The following PALM2AKAP2 variants were observed in gnomAD, a reference collection of about 807,000 sequenced individuals.
PALM2AKAP2 encodes PALM2-AKAP2 fusion protein.
A neutral mutation model predicts 71.5 loss-of-function variants in PALM2AKAP2; 37 were observed. The ratio of observed to expected loss-of-function variants is 0.52; its 90% CI spans 0.40 to 0.68. The LOEUF (loss-of-function observed/expected upper bound fraction) is 0.68, where lower values mean the gene tolerates loss of function less well. Ranked by LOEUF, PALM2AKAP2 falls within the 30% of genes least tolerant of loss-of-function variation. PALM2AKAP2 has a pLI of 0.00. For missense variants in PALM2AKAP2, 1,224 were observed against 1,191.8 expected, an observed-to-expected ratio of 1.03 and a Z score of -0.40; for synonymous variants, 468 against 478.8, an observed-to-expected ratio of 0.98 and a Z score of 0.29.
intron 1 of PALM2AKAP2, among the ~76,000 whole-genome samples, chr9:110,057,439 C>T (rs376814952): frequency 1.1e-4 from 17 of 147,932 alleles, no homozygotes; most frequent in East Asian, 8.1e-4. Flanking sequence ...AGTGCAGTGG[C>T]GCCATCTCAG....
chr9:110,159,795 C>T (rs1040874440), intron 3 of PALM2AKAP2, among the ~76,000 whole-genome samples: 12 of 152,180 alleles, frequency 7.9e-5, no homozygotes, highest in Non-Finnish European at 1.5e-5. Flanking sequence ...AGCTCAGGGC[C>T]CTGCTCTCTC....
Position 109,691,174 on chromosome 9 carries a change from T to TACACACACACACACACACAC in PALM2AKAP2, c.5+50320_5+50339dup, listed in dbSNP as rs56966509. Among the ~76,000 whole-genome samples, 836 of 147,544 alleles carry TACACACACACACACACACAC rather than the reference T, an allele frequency of 5.7e-3. 6 individuals carry two copies. Among genetic ancestry groups the TACACACACACACACACACAC allele is most frequent in the Middle Eastern group, 0.038 (11 of 292 alleles). On this transcript the variant is annotated intron_variant, in intron 1 of 6. Transcript: ENST00000374531. ...ACCAATGTTGCATTACTTTGAATTT[T>TACACACACACACACACACAC]ACACACACACACACACACACACACA...
At chr9:109,802,870 G>A (rs1827471421) in intron 1 of PALM2AKAP2, among the ~76,000 whole-genome samples, 1 of 152,184 alleles carries the variant, frequency 6.6e-6, no homozygotes, top group Non-Finnish European at 1.5e-5. Context: ...CACATAGATT[G>A]TTCATGAAGG....
chr9:109,885,289 C>T (rs545666608), intron 3 of PALM2AKAP2, among the ~76,000 whole-genome samples: 2 of 151,640 alleles, frequency 1.3e-5, no homozygotes, highest in African/African-American at 2.4e-5. Flanking sequence ...GGGCAGCCCA[C>T]GAAGAAGGAA....
At chr9:110,152,596 A>G (rs774563447) in intron 2 of PALM2AKAP2, among the ~76,000 whole-genome samples, 48 of 152,228 alleles carry the variant, frequency 3.2e-4, no homozygotes, top group Admixed American at 2.6e-4. Flanking sequence ...GACTATTTGC[A>G]TCACATTCAT....
chr9:109,899,160 A>G (rs1370739548), intron 3 of PALM2AKAP2, among the ~76,000 whole-genome samples: 1 of 151,788 alleles, frequency 6.6e-6, no homozygotes, highest in East Asian at 1.9e-4. Context: ...CCCCCCAGAC[A>G]CCTATAACTC....
At chr9:109,691,913 T>TATATATATACAC (rs1316216446) in intron 1 of PALM2AKAP2, among the ~76,000 whole-genome samples, 6 of 78,950 alleles carry the variant, frequency 7.6e-5, no homozygotes, top group South Asian at 8.0e-4. Context: ...CACACACACA[T>TATATATATACAC]ATATATATAT....
chr9:109,695,420 AT>A (rs1331515002), intron 1 of PALM2AKAP2, among the ~76,000 whole-genome samples: 1 of 152,118 alleles, frequency 6.6e-6, no homozygotes, highest in Non-Finnish European at 1.5e-5. Context: ...TCCCACCACC[AT>A]ATAAGCATGC....
intron 1 of PALM2AKAP2, chr9:110,128,056 G>C (rs1325227129): frequency 6.6e-6 from 1 of 152,258 alleles, no homozygotes; most frequent in African/African-American, 2.4e-5. Context: ...CTTATGCTTC[G>C]GGTTCCCTCG....
intron 6 of PALM2AKAP2, among the ~76,000 whole-genome samples, chr9:109,950,649 C>A (rs1188701290): frequency 6.6e-6 from 1 of 152,176 alleles, no homozygotes; most frequent in Non-Finnish European, 1.5e-5. Context: ...CTTTTTCTAA[C>A]AAGACAAGGT....
chr9:109,969,674 G>A (rs1832027757), intron 6 of PALM2AKAP2, among the ~76,000 whole-genome samples: 1 of 152,220 alleles, frequency 6.6e-6, no homozygotes, highest in Non-Finnish European at 1.5e-5. Flanking sequence ...GCTGAAGTCT[G>A]TGTGGCTTCT....
chr9:109,694,893 A>C (rs1442869008), intron 1 of PALM2AKAP2, among the ~76,000 whole-genome samples: 3 of 152,138 alleles, frequency 2.0e-5, no homozygotes, highest in Non-Finnish European at 4.4e-5. Flanking sequence ...AACTTATGCT[A>C]TCCCAAAGAC....
intron 6 of PALM2AKAP2, among the ~76,000 whole-genome samples, chr9:109,936,619 C>G (rs547393591): frequency 2.0e-5 from 3 of 152,282 alleles, no homozygotes; most frequent in African/African-American, 4.8e-5. Context: ...ATGACCCTGA[C>G]CCCCCATGGA....
At chr9:109,695,234 C>G (rs1345441436) in intron 1 of PALM2AKAP2, among the ~76,000 whole-genome samples, 1 of 152,184 alleles carries the variant, frequency 6.6e-6, no homozygotes, top group Non-Finnish European at 1.5e-5. Flanking sequence ...GCGACTTAGG[C>G]TATAGTGAAT....
intron 1 of PALM2AKAP2, among the ~76,000 whole-genome samples, chr9:110,115,172 A>G (rs772300652): frequency 1.3e-5 from 2 of 152,252 alleles, no homozygotes; most frequent in African/African-American, 2.4e-5. Context: ...AACTTTTCCC[A>G]GAGGATGGTC....
chr9:109,652,707 A>G (rs1827243403), intron 1 of PALM2AKAP2, among the ~76,000 whole-genome samples: 1 of 152,210 alleles, frequency 6.6e-6, no homozygotes, highest in Non-Finnish European at 1.5e-5. Context: ...AGTACCTGGT[A>G]TGTGCCAGAC....
chr9:109,868,954 A>C (rs931855954), intron 2 of PALM2AKAP2, among the ~76,000 whole-genome samples: 1 of 152,200 alleles, frequency 6.6e-6, no homozygotes. Flanking sequence ...TGAATTGTTC[A>C]AGGTCAATCT....
intron 1 of PALM2AKAP2, among the ~76,000 whole-genome samples, chr9:109,794,404 A>AT (rs57551115): frequency 0.59 from 84,696 of 143,762 alleles, 26,075 homozygotes; most frequent in Middle Eastern, 0.71. Context: ...TTCCAGGTGT[A>AT]TTTTTTTTTT....
intron 6 of PALM2AKAP2, among the ~76,000 whole-genome samples, chr9:109,947,602 G>A (rs547750548): frequency 1.9e-4 from 29 of 152,244 alleles, no homozygotes; most frequent in Middle Eastern, 6.8e-3. Context: ...AATATAAAAC[G>A]CAGATGGACA....
Sources: gnomAD v4.1 joint callset for allele counts (sites outside exome capture counted in the v4.1 genomes callset) on GRCh38, gnomAD v4.1.1 for gene constraint, MANE v1.5 for transcripts, NCBI Gene and HGNC (gene_info 2026-07-23, HGNC 2026-07-21) for gene names.